The following FAM228B variants were observed in gnomAD, a reference collection of about 807,000 sequenced individuals.
FAM228B encodes the protein family with sequence similarity 228 member B.
FAM228B carries 38 observed loss-of-function variants against 42.6 expected under a neutral mutation model. The observed-to-expected ratio is 0.89, with a 90% CI of 0.69 to 1.17. FAM228B has a LOEUF of 1.17. Ranked by LOEUF, FAM228B falls within the 50% of genes most tolerant of loss-of-function variation. The pLI, the probability that FAM228B is intolerant of heterozygous loss-of-function variation, is 0.00. For synonymous variants in FAM228B, 109 were observed against 122.3 expected (o/e 0.89, Z 0.72); for missense variants, 344 against 367.3 (o/e 0.94, Z 0.52).
intron 2 of FAM228B, among the ~76,000 whole-genome samples, chr2:24,126,141 G>C (rs1168450396): frequency 6.6e-6 from 1 of 152,176 alleles, no homozygotes; most frequent in Non-Finnish European, 1.5e-5. Context: ...TCATGTGTGT[G>C]TCTTTGTATG....
At chr2:24,164,390 C>T in intron 9 of FAM228B, 55 bp downstream of exon 9, 1 of 1,497,814 alleles carries the variant, frequency 6.7e-7, no homozygotes, top group Non-Finnish European at 8.9e-7. Flanking sequence ...TCGCTGATAC[C>T]AAAATCTGAG....
Position 24,077,559 on chromosome 2 carries a change from C to T in FAM228B, c.-290+590C>T, listed in dbSNP as rs764457614. On this transcript the variant is annotated intron_variant, in intron 1 of 10. Transcript: ENST00000613899. This position sits in a 1 kb window ranked among gnomAD's most constrained non-coding sequence, Gnocchi z 5.5. The stretch of plus-strand genomic sequence containing the variant: ...TGGAAAGGCCTGGGGTGGCCGCGTC[C>T]TGTCCTGCCCCATCCTCCTTCACTG... 3.7e-6 allele frequency: 6 copies of T among 1,603,044 alleles called. No individual in the cohort carries two copies. The highest frequency in any genetic ancestry group is 1.7e-4 in the Middle Eastern group (1 of 6,000).
At chr2:24,078,542 T>C (rs1227312395) in intron 1 of FAM228B, among the ~76,000 whole-genome samples, 1 of 151,356 alleles carries the variant, frequency 6.6e-6, no homozygotes, top group Non-Finnish European at 1.5e-5. Flanking sequence ...GGTATCAATT[T>C]GGTTTCTAGA....
chr2:24,099,076 T>G (rs1332355648), intron 3 of FAM228B, among the ~76,000 whole-genome samples: 1 of 152,164 alleles, frequency 6.6e-6, no homozygotes, highest in Non-Finnish European at 1.5e-5. Flanking sequence ...TCAACAAAAT[T>G]CAACAGTGCT....
chr2:24,151,965 C>G (rs1667034411), intron 7 of FAM228B, among the ~76,000 whole-genome samples: 1 of 152,046 alleles, frequency 6.6e-6, no homozygotes, highest in Non-Finnish European at 1.5e-5. Context: ...CTCTCCCGGA[C>G]TCAAGCAATT....
Position 24,161,520 on chromosome 2 carries a change from T to C in FAM228B, c.701T>C (p.Val234Ala), listed in dbSNP as rs1558395555. 1 of 1,535,596 alleles carries C rather than the reference T, an allele frequency of 6.5e-7. No homozygotes were observed. The change falls in exon 8 of 11, where the codon GTG (valine) becomes GCG (alanine). Residue 234 changes from valine (V) to alanine (A), a missense_variant. Val to Ala is a moderately conservative substitution (Grantham distance 64, BLOSUM62 0). Transcript: ENST00000615575. ...FCRRRRLKVKVNFNDCSFDLK... is the reference protein window; with the variant it reads ...FCRRRRLKVKANFNDCSFDLK... The stretch of plus-strand genomic sequence containing the variant: ...TCTTGTTAAAGGTTAAAGGTGAAAG[T>C]GAATTTTAATGACTGTAGTTTTGAT...
At chr2:24,156,118 C>T (rs1667136815) in intron 7 of FAM228B, among the ~76,000 whole-genome samples, 1 of 152,190 alleles carries the variant, frequency 6.6e-6, no homozygotes, top group South Asian at 2.1e-4. Flanking sequence ...TGTGTGCCTT[C>T]TGTGTTCCGG....
chr2:24,128,503 G>A (rs1666369577), intron 2 of FAM228B, among the ~76,000 whole-genome samples: 1 of 152,068 alleles, frequency 6.6e-6, no homozygotes, highest in African/African-American at 2.4e-5. Flanking sequence ...TAATTATAGT[G>A]TCTTTGTCAT....
upstream of FAM228B, chr2:24,121,402 GGTTTTCAT>G: frequency 8.8e-7 from 1 of 1,135,344 alleles, no homozygotes; most frequent in South Asian, 1.7e-5. Flanking sequence ...AGCTAAGAAT[GGTTTTCAT>G]GTTTTTAAAT....
chr2:24,140,928 C>T (rs1026202731), intron 5 of FAM228B, among the ~76,000 whole-genome samples: 6 of 150,292 alleles, frequency 4.0e-5, no homozygotes, highest in Non-Finnish European at 7.4e-5. Context: ...AGTGTCACTG[C>T]ACTCCAGCCT....
intron 1 of FAM228B, 38 bp from the exon 2 acceptor site, chr2:24,124,292 A>G (rs1199447837): frequency 9.8e-6 from 10 of 1,022,236 alleles, no homozygotes; most frequent in African/African-American, 1.6e-5. Context: ...AAATCAGATG[A>G]CTGTGAAATG....
intron 5 of FAM228B, among the ~76,000 whole-genome samples, chr2:24,141,946 A>G (rs1558388245): frequency 6.6e-6 from 1 of 152,136 alleles, no homozygotes; most frequent in Non-Finnish European, 1.5e-5. Flanking sequence ...TTACGGTCAC[A>G]TGCTGTGGCT....
chr2:24,167,592 T>C (rs1206853555), intron 9 of FAM228B, 35 bp from the exon 10 acceptor site: 3 of 1,551,190 alleles, frequency 1.9e-6, no homozygotes, highest in Non-Finnish European at 2.6e-6. Flanking sequence ...CAGTCTCGTA[T>C]AACATAATGA....
At chr2:24,132,490 T>TTTTG (rs1341388873) in intron 2 of FAM228B, among the ~76,000 whole-genome samples, 1 of 141,946 alleles carries the variant, frequency 7.0e-6, no homozygotes, top group African/African-American at 2.7e-5. Context: ...TTTTTTTTTT[T>TTTTG]GGTTGATAGG....
intron 4 of FAM228B, among the ~76,000 whole-genome samples, chr2:24,138,346 AT>A (rs1235999304): frequency 1.3e-5 from 2 of 152,050 alleles, no homozygotes; most frequent in Admixed American, 6.6e-5. Context: ...TATTATTATT[AT>A]TATTCGAGAT....
intron 7 of FAM228B, among the ~76,000 whole-genome samples, chr2:24,151,433 G>A (rs1286360562): frequency 2.0e-5 from 3 of 151,352 alleles, no homozygotes; most frequent in Non-Finnish European, 4.4e-5. Context: ...TGGGACTACA[G>A]GCACCCACCA....
rs1361297893 is a variant in FAM228B, at chr2:24,107,167, T to TA, written c.-121+11945dup. The stretch of plus-strand genomic sequence containing the variant: ...AAAATGGACTTTAACCTAACAAAGA[T>TA]AAAAAAAGATAAACAGGGCATTATA... On this transcript the variant is annotated intron_variant, in intron 3 of 10. Transcript: ENST00000613899. 7.2e-5 allele frequency among the ~76,000 whole-genome samples: 11 copies of TA among 151,758 alleles called. 1 individual carries two copies. The highest frequency in any genetic ancestry group is 1.2e-4 in the Non-Finnish European group (8 of 67,924).
At chr2:24,154,753 T>C (rs1667096042) in intron 7 of FAM228B, among the ~76,000 whole-genome samples, 1 of 152,224 alleles carries the variant, frequency 6.6e-6, no homozygotes, top group Non-Finnish European at 1.5e-5. Context: ...CCTTGAAATC[T>C]GATGGGCTCA....
chr2:24,145,969 G>T (rs998009397), intron 5 of FAM228B, among the ~76,000 whole-genome samples: 1 of 152,186 alleles, frequency 6.6e-6, no homozygotes, highest in Non-Finnish European at 1.5e-5. Context: ...GATTACAGGC[G>T]TGAGCCACTG....
Sources: allele counts gnomAD v4.1 joint callset (sites outside exome capture counted in the v4.1 genomes callset), GRCh38; gene constraint gnomAD v4.1.1; non-coding constraint Gnocchi (gnomAD v3.1); transcripts MANE v1.5; gene names NCBI Gene and HGNC (gene_info 2026-07-23, HGNC 2026-07-21).